Variants in GATAD2B observed in about 807,000 individuals in gnomAD.
The protein encoded by GATAD2B is GATA zinc finger domain containing 2B.
Under a neutral mutation model 64.3 loss-of-function variants are expected in GATAD2B, and 8 were observed. The ratio of observed to expected loss-of-function variants is 0.12; its 90% confidence interval spans 0.07 to 0.22. GATAD2B has a LOEUF of 0.22. Ranked by LOEUF, GATAD2B falls within the 10% of genes least tolerant of loss-of-function variation. The pLI, the probability that GATAD2B is intolerant of heterozygous loss-of-function variation, is 1.00. For synonymous variants in GATAD2B, 281 were observed against 271.3 expected (o/e 1.04, Z -0.35); for missense variants, 453 against 752.0 (o/e 0.60, Z 4.65).
rs765485523 is a variant in GATAD2B at position 153,810,247 on chromosome 1, C to T, written c.1712G>A (p.Arg571Gln). 6 of 1,612,960 alleles carry T rather than the reference C, an allele frequency of 3.7e-6. No homozygotes were observed. The highest frequency in any genetic ancestry group is 2.7e-5 in the African/African-American group (2 of 74,842). Residue 571 changes from arginine (R) to glutamine (Q), a missense_variant, in exon 11 of 11, where the codon CGA becomes CAA. This residue lies in a region of GATAD2B where 160 missense variants were observed against 334.7 expected (regional missense o/e 0.48). Coordinates refer to ENST00000368655, the MANE Select transcript of GATAD2B (RefSeq NM_020699.4). Reference sequence around the variant, plus strand: ...CATGTCTAAAAGGTATTCACGCTGTCGGTCTGCCAAACTGGGGCCTTTGTG... The same window carrying T: ...CATGTCTAAAAGGTATTCACGCTGTTGGTCTGCCAAACTGGGGCCTTTGTG... ...GGHKGPSLADRQREYLLDMIP... is the reference protein window; with the variant it reads ...GGHKGPSLADQQREYLLDMIP...
chr1:153,855,829 C>T lies in GATAD2B; in HGVS notation c.-1-27481G>A, dbSNP rs144969833. ...CTGGGAGTAGCTGGGACTACAGGTG[C>T]GCATCACCACGCCCAGCTAATTTTT... On this transcript the variant is annotated intron_variant, in intron 1 of 10. Coordinates refer to ENST00000368655, the MANE Select transcript of GATAD2B (RefSeq NM_020699.4). Among the ~76,000 whole-genome samples the T allele has an allele frequency of 4.8e-4, 73 of 151,992 alleles. No homozygotes were observed. In the East Asian group the frequency reaches 9.9e-3, roughly 21 times the overall value.
intron 1 of GATAD2B, among the ~76,000 whole-genome samples, chr1:153,908,797 A>G (rs1678030079): frequency 1.3e-5 from 2 of 151,348 alleles, no homozygotes; most frequent in South Asian, 2.1e-4. Context: ...AAAAAAAAAA[A>G]AAAAAGAAAG....
chr1:153,883,946 T>G (rs1677084136), intron 1 of GATAD2B, among the ~76,000 whole-genome samples: 1 of 152,058 alleles, frequency 6.6e-6, no homozygotes, highest in South Asian at 2.1e-4. Context: ...TTCAGCTAAA[T>G]CATACTCACC....
At chr1:153,829,787 T>A (rs930349472) in intron 1 of GATAD2B, among the ~76,000 whole-genome samples, 1 of 151,078 alleles carries the variant, frequency 6.6e-6, no homozygotes, top group Non-Finnish European at 1.5e-5. Context: ...TCTTTTCCAG[T>A]TGCAATGAAA....
At chr1:153,914,227 C>CAAAAAAAAAAAAAAAA in intron 1 of GATAD2B, among the ~76,000 whole-genome samples, 1 of 65,984 alleles carries the variant, frequency 1.5e-5, no homozygotes, top group Non-Finnish European at 2.8e-5. Flanking sequence ...CCCAGACTCT[C>CAAAAAAAAAAAAAAAA]AAAAAAAAAA....
chr1:153,914,437 A>C (rs1291040490), intron 1 of GATAD2B, among the ~76,000 whole-genome samples: 1 of 152,198 alleles, frequency 6.6e-6, no homozygotes, highest in African/African-American at 2.4e-5. Context: ...CAGAGACTTC[A>C]AGTGACTCAA....
At chr1:153,906,033 C>G (rs1677916583) in intron 1 of GATAD2B, among the ~76,000 whole-genome samples, 1 of 149,754 alleles carries the variant, frequency 6.7e-6, no homozygotes, top group Non-Finnish European at 1.5e-5. Context: ...CGCCACTGCA[C>G]TCCAGCCTGG....
chr1:153,899,771 T>A (rs373777247), intron 1 of GATAD2B, among the ~76,000 whole-genome samples: 1 of 152,182 alleles, frequency 6.6e-6, no homozygotes, highest in Non-Finnish European at 1.5e-5. Flanking sequence ...TACATTTCAA[T>A]TGAGTTGTTT....
intron 1 of GATAD2B, among the ~76,000 whole-genome samples, chr1:153,897,701 A>G (rs1000997515): frequency 6.6e-6 from 1 of 152,184 alleles, no homozygotes; most frequent in Non-Finnish European, 1.5e-5. Context: ...AATATCAACT[A>G]TATTGTAATG....
At chr1:153,872,997 A>T (rs61804837) in intron 1 of GATAD2B, among the ~76,000 whole-genome samples, 17,641 of 126,634 alleles carry the variant, frequency 0.14, 1,555 homozygotes, top group East Asian at 0.46. Flanking sequence ...TGCAAATTTA[A>T]ACTGCATGAC....
chr1:153,920,829 C>A (rs779965227), intron 1 of GATAD2B, among the ~76,000 whole-genome samples: 2 of 152,206 alleles, frequency 1.3e-5, no homozygotes, highest in Non-Finnish European at 2.9e-5. Context: ...ATGACTATCA[C>A]TGCCACTGGA....
rs936218456 is a variant in GATAD2B, at chr1:153,830,539, G to C, written c.-1-2191C>G. ...CGCCCAGGCTGGAGTGCAGTGGCGGGATCTCGGCTCACTGCAAGCTCCGCC... is the reference window on the plus strand; with the variant it reads ...CGCCCAGGCTGGAGTGCAGTGGCGGCATCTCGGCTCACTGCAAGCTCCGCC... On this transcript the variant is annotated intron_variant, in intron 1 of 10. Coordinates refer to ENST00000368655, the MANE Select transcript of GATAD2B (RefSeq NM_020699.4). 9.0e-5 allele frequency among the ~76,000 whole-genome samples: 13 copies of C among 144,178 alleles called. 1 individual carries two copies. The highest frequency in any genetic ancestry group is 6.6e-4 in the South Asian group (3 of 4,540). 94.6% of individuals were successfully genotyped at this position (144,178 alleles called of 152,430 possible). A position where few individuals can be genotyped will look rare whatever the true frequency, so the allele number is the denominator to read the frequency against.
At chr1:153,822,103 C>A (rs1233196449) in intron 2 of GATAD2B, among the ~76,000 whole-genome samples, 1 of 151,860 alleles carries the variant, frequency 6.6e-6, no homozygotes, top group East Asian at 1.9e-4. Flanking sequence ...ATCACATGAA[C>A]CTGGGAGGTG....
rs1237572942 is a variant in GATAD2B at position 153,809,862 on chromosome 1, C to T, written c.*315G>A. The T allele has an allele frequency of 1.3e-5, 3 of 230,680 alleles. No homozygotes were observed. The highest frequency in any genetic ancestry group is 9.3e-5 in the East Asian group (1 of 10,792). 14.3% of individuals were successfully genotyped at this position (230,680 alleles called of 1,614,324 possible). On this transcript the variant is annotated 3_prime_UTR_variant, in exon 11 of 11. Coordinates refer to ENST00000368655, the MANE Select transcript of GATAD2B (RefSeq NM_020699.4). Reference sequence around the variant, plus strand: ...ATAAAACAACTTTAGAAACACACATCGGAGGGCTTAGATTCTCCCCAGGAC... The same window carrying T: ...ATAAAACAACTTTAGAAACACACATTGGAGGGCTTAGATTCTCCCCAGGAC...
chr1:153,881,809 G>A (rs1390203852), intron 1 of GATAD2B, among the ~76,000 whole-genome samples: 1 of 151,302 alleles, frequency 6.6e-6, no homozygotes, highest in East Asian at 1.9e-4. Context: ...GTGGAGGGTC[G>A]TGTGTGTGTG....
chr1:153,907,994 T>C (rs1678000135), intron 1 of GATAD2B, among the ~76,000 whole-genome samples: 1 of 152,138 alleles, frequency 6.6e-6, no homozygotes, highest in African/African-American at 2.4e-5. Flanking sequence ...TAGTAGAGAC[T>C]GGGTTTCACC....
chr1:153,811,891 G>A (rs201644866), intron 9 of GATAD2B, 43 bp from the exon 10 acceptor site: 130 of 1,406,540 alleles, frequency 9.2e-5, no homozygotes, highest in Non-Finnish European at 1.3e-4. Flanking sequence ...TGATATGATA[G>A]AATGTTAAGC....
intron 1 of GATAD2B, among the ~76,000 whole-genome samples, chr1:153,897,673 G>A (rs1677637207): frequency 6.6e-6 from 1 of 152,062 alleles, no homozygotes; most frequent in African/African-American, 2.4e-5. Context: ...TAGGGACCCA[G>A]AATTTATGTC....
Position 153,813,233 on chromosome 1 carries a change from G to T in GATAD2B, c.1419+17C>A. 6.2e-7 allele frequency: 1 copy of T among 1,603,356 alleles called. No homozygotes were observed. Among genetic ancestry groups the T allele is most frequent in the Non-Finnish European group, 8.5e-7 (1 of 1,171,496 alleles). Reference sequence around the variant, plus strand: ...ACAAACTGGGACAGGTGGCCAGTGAGCAGTCAGAATTCTTACCTGTTCCTG... The same window carrying T: ...ACAAACTGGGACAGGTGGCCAGTGATCAGTCAGAATTCTTACCTGTTCCTG... On this transcript the variant is annotated intron_variant, in intron 8 of 10. Coordinates refer to ENST00000368655, the MANE Select transcript of GATAD2B (RefSeq NM_020699.4).
Sources: allele counts gnomAD v4.1 joint callset (sites outside exome capture counted in the v4.1 genomes callset), GRCh38; gene constraint gnomAD v4.1.1; regional missense constraint gnomAD v4.1.1; transcripts MANE v1.5; gene names NCBI Gene and HGNC (gene_info 2026-07-23, HGNC 2026-07-21).